The following RELCH variants were observed in gnomAD, a reference collection of about 807,000 sequenced individuals.
The protein encoded by RELCH is RAB11-binding protein RELCH.
Under a neutral mutation model 150.3 loss-of-function variants are expected in RELCH, and 41 were observed. That is an observed-to-expected ratio of 0.27 (90% CI 0.21 to 0.35). The LOEUF (loss-of-function observed/expected upper bound fraction) is 0.35, where lower values mean the gene tolerates loss of function less well. RELCH is among the 10% of genes least tolerant of loss of function. RELCH has a pLI of 1.00. For missense variants in RELCH, 1,092 were observed against 1,467.8 expected, an observed-to-expected ratio of 0.74 and a Z score of 4.18; for synonymous variants, 478 against 531.8, an observed-to-expected ratio of 0.90 and a Z score of 1.39.
chr18:62,258,753 G>A (rs2043109868), intron 15 of RELCH, 77 bp downstream of exon 15: 1 of 1,026,646 alleles, frequency 9.7e-7, no homozygotes, highest in Non-Finnish European at 1.4e-6. Flanking sequence ...CAATGTTAGA[G>A]AACAGAGACA....
At chr18:62,300,695 C>T (rs1222126164) in intron 28 of RELCH, 1 of 152,162 alleles carries the variant, frequency 6.6e-6, no homozygotes, top group African/African-American at 2.4e-5. Flanking sequence ...ACACGTATTT[C>T]ATCCCGAGAA....
rs746284941 is a variant in RELCH, at chr18:62,264,893, A to G, written c.2631+41A>G. The G allele has an allele frequency of 8.1e-5, 123 of 1,509,394 alleles. 1 individual carries two copies. The East Asian group carries it at 2.7e-3, about 34-fold the overall frequency. 93.5% of individuals were successfully genotyped at this position (1,509,394 alleles called of 1,614,324 possible). On this transcript the variant is annotated intron_variant, in intron 18 of 28. Transcript: ENST00000644646. ...CCATGTTTTCTTATATGAAAAAGACATAGAAATGTAATGTGTTAACACTGT... is the reference window on the plus strand; with the variant it reads ...CCATGTTTTCTTATATGAAAAAGACGTAGAAATGTAATGTGTTAACACTGT...
At chr18:62,239,067 T>C (rs1419391625) in intron 10 of RELCH, among the ~76,000 whole-genome samples, 2 of 152,042 alleles carry the variant, frequency 1.3e-5, no homozygotes, top group Non-Finnish European at 2.9e-5. Flanking sequence ...TATACAGTAG[T>C]ATAGTGGATA....
At position 62,279,839 on chromosome 18, in the gene RELCH, C is replaced by T; in HGVS notation, c.3033C>T (p.Leu1011=). Residue 1011 remains leucine, a synonymous_variant, in exon 23 of 29, where the codon CTC becomes CTT. Coordinates refer to ENST00000644646, the MANE Select transcript of RELCH (RefSeq NM_001346231.2). ...GGGTTGTTCCTGCTCTCATTACTCT[C>T]TCCAGTGACCCTGAAATGTAAGTGT... The part of the protein sequence containing the change: ...AQRVVPALIT[L]SSDPEISVRI... 1 of 1,534,800 alleles carries T rather than the reference C, an allele frequency of 6.5e-7. No individual in the cohort carries two copies. Among genetic ancestry groups the T allele is most frequent in the Non-Finnish European group, 8.7e-7 (1 of 1,145,798 alleles).
chr18:62,211,190 CTT>C lies in RELCH; in HGVS notation c.566_567del (p.Phe189CysfsTer6). ...GCATTAGTACCCTTGATTCTTTAGA[CTT>C]TGCAAGATATTCAGATGATGGTAAC... ...GSISTLDSLD[F>X]ARYSDDGNRE... On this transcript the variant is annotated frameshift_variant, in exon 2 of 29. Coordinates refer to ENST00000644646, the MANE Select transcript of RELCH (RefSeq NM_001346231.2). LOFTEE classifies it high-confidence loss of function. 6.2e-7 allele frequency: 1 copy of C among 1,609,942 alleles called. No homozygotes were observed. Among genetic ancestry groups the C allele is most frequent in the Non-Finnish European group, 8.5e-7 (1 of 1,176,980 alleles).
intron 2 of RELCH, among the ~76,000 whole-genome samples, chr18:62,214,079 T>C (rs1369610744): frequency 6.6e-6 from 1 of 152,086 alleles, no homozygotes; most frequent in Non-Finnish European, 1.5e-5. Flanking sequence ...TTTTAACCTA[T>C]AGAATATACT....
chr18:62,221,356 T>G, intron 4 of RELCH, 28 bp from the exon 5 acceptor site: 1 of 1,548,290 alleles, frequency 6.5e-7, no homozygotes, highest in African/African-American at 1.4e-5. Context: ...ACTTATGATT[T>G]CCTGTTTGCC....
intron 1 of RELCH, among the ~76,000 whole-genome samples, chr18:62,189,052 G>A (rs1207738561): frequency 6.6e-6 from 1 of 152,116 alleles, no homozygotes; most frequent in Non-Finnish European, 1.5e-5. Flanking sequence ...CGTGGTGGAA[G>A]CTTAGGGAGT....
chr18:62,279,915 A>C, intron 23 of RELCH, 59 bp downstream of exon 23: 2 of 1,027,090 alleles, frequency 1.9e-6, no homozygotes, highest in Non-Finnish European at 2.9e-6. Context: ...CCTGTCAAGA[A>C]ATAACCATCA....
intron 27 of RELCH, among the ~76,000 whole-genome samples, chr18:62,293,005 GAC>G (rs1220500912): frequency 6.6e-6 from 1 of 151,976 alleles, no homozygotes; most frequent in Non-Finnish European, 1.5e-5. Context: ...TTTATCATCT[GAC>G]ACCTGTTCAT....
chr18:62,218,590 T>A (rs1255684667), intron 2 of RELCH, among the ~76,000 whole-genome samples: 1 of 151,978 alleles, frequency 6.6e-6, no homozygotes, highest in African/African-American at 2.4e-5. Flanking sequence ...TCCAGTGCAG[T>A]TTGAGAAATA....
At chr18:62,259,060 C>CT (rs1433550928) in intron 15 of RELCH, among the ~76,000 whole-genome samples, 2 of 150,900 alleles carry the variant, frequency 1.3e-5, no homozygotes, top group African/African-American at 5.0e-5. Context: ...GTCAAAATTG[C>CT]TTTAACTGTG....
intron 26 of RELCH, among the ~76,000 whole-genome samples, chr18:62,288,363 T>G (rs1375365822): frequency 2.0e-5 from 3 of 152,100 alleles, no homozygotes; most frequent in Admixed American, 6.5e-5. Flanking sequence ...TTTGATGTAA[T>G]AAGCAACATG....
At chr18:62,264,923 G>A (rs758729856) in intron 18 of RELCH, 71 bp downstream of exon 18, 4 of 1,219,394 alleles carry the variant, frequency 3.3e-6, no homozygotes, top group East Asian at 2.4e-5. Flanking sequence ...CACTGTAACA[G>A]GGTAAATAAA....
intron 18 of RELCH, among the ~76,000 whole-genome samples, 166 bp from the exon 19 acceptor site, chr18:62,266,530 TCTATC>T (rs771896918): frequency 3.0e-4 from 45 of 151,936 alleles, no homozygotes; most frequent in Non-Finnish European, 4.9e-4. Flanking sequence ...ATTTGACTCT[TCTATC>T]CTAAGCCTCA....
chr18:62,194,973 C>T, intron 1 of RELCH, among the ~76,000 whole-genome samples: 1 of 152,228 alleles, frequency 6.6e-6, no homozygotes, highest in South Asian at 2.1e-4. Context: ...TGACTTAATA[C>T]TGTAATATAG....
In RELCH at chr18:62,233,316, A is replaced by G. The variant is rs1055725209; in HGVS notation, c.1620+889A>G. Among the ~76,000 whole-genome samples the G allele has an allele frequency of 1.2e-4, 18 of 151,892 alleles. No homozygotes were observed. The East Asian group carries it at 1.9e-3, about 16-fold the overall frequency. ...TTTAGAGTGTGTCATGTAACTTTCTATTGTTATCTTCTTAATATTTACCAC... is the reference window on the plus strand; with the variant it reads ...TTTAGAGTGTGTCATGTAACTTTCTGTTGTTATCTTCTTAATATTTACCAC... On this transcript the variant is annotated intron_variant, in intron 10 of 28. Coordinates refer to ENST00000644646, the MANE Select transcript of RELCH (RefSeq NM_001346231.2).
At chr18:62,265,243 C>T (rs1231894845) in intron 18 of RELCH, among the ~76,000 whole-genome samples, 4 of 152,018 alleles carry the variant, frequency 2.6e-5, no homozygotes, top group Admixed American at 6.6e-5. Context: ...AAACCTCAAG[C>T]GATTATGGAA....
chr18:62,250,502 T>C (rs982103201), intron 11 of RELCH, among the ~76,000 whole-genome samples: 2 of 152,252 alleles, frequency 1.3e-5, no homozygotes, highest in Admixed American at 6.5e-5. Flanking sequence ...AATATCTTTT[T>C]CCATTTTCCT....
Sources: gnomAD v4.1 joint callset for allele counts (sites outside exome capture counted in the v4.1 genomes callset) on GRCh38, gnomAD v4.1.1 for gene constraint, MANE v1.5 for transcripts, NCBI Gene and HGNC (gene_info 2026-07-23, HGNC 2026-07-21) for gene names.